CPED1: variants seen among roughly 807,000 people sequenced by gnomAD.
CPED1 encodes the protein cadherin-like and PC-esterase domain-containing protein 1.
In CPED1, 114 loss-of-function variants were observed where a neutral mutation model predicts 128.2. The ratio of observed to expected loss-of-function variants is 0.89; its 90% CI spans 0.76 to 1.04. The LOEUF is 1.04. CPED1 is among the 50% of genes least tolerant of loss of function. The probability of loss-of-function intolerance (pLI) is 0.00; values close to 1 mark genes in which losing one functional copy is unlikely to be tolerated. For synonymous variants in CPED1, 462 were observed against 426.7 expected, an observed-to-expected ratio of 1.08 and a Z score of -1.02; for missense variants, 1,211 against 1,207.1, an observed-to-expected ratio of 1.00 and a Z score of -0.05.
chr7:121,047,848 G>A (rs996532450), intron 4 of CPED1, among the ~76,000 whole-genome samples: 1 of 151,366 alleles, frequency 6.6e-6, no homozygotes, highest in African/African-American at 2.4e-5. Context: ...GGTAGCGGGC[G>A]CCCGTAGTCC....
At chr7:121,222,196 C>T (rs1797894739) in intron 16 of CPED1, among the ~76,000 whole-genome samples, 1 of 152,112 alleles carries the variant, frequency 6.6e-6, no homozygotes, top group South Asian at 2.1e-4. Context: ...TTCCCAGCAC[C>T]ATTTATTAAA....
chr7:121,260,003 C>T (rs79946510), intron 18 of CPED1, among the ~76,000 whole-genome samples: 2,534 of 151,918 alleles, frequency 0.017, 73 homozygotes, highest in African/African-American at 0.056. Flanking sequence ...ATTATGGTTA[C>T]GTAATTCATT....
chr7:121,055,169 C>T (rs1247356035), intron 4 of CPED1, among the ~76,000 whole-genome samples: 2 of 152,240 alleles, frequency 1.3e-5, no homozygotes, highest in East Asian at 3.9e-4. Context: ...TAAACCTTTG[C>T]ATAGAGGTTT....
chr7:121,112,405 TACATCTTC>T (rs1425112202), intron 7 of CPED1, among the ~76,000 whole-genome samples: 1 of 152,096 alleles, frequency 6.6e-6, no homozygotes, highest in African/African-American at 2.4e-5. Flanking sequence ...AAGGAGAAGA[TACATCTTC>T]ACATCTTCAC....
chr7:121,194,759 A>G (rs1051076952), intron 16 of CPED1, among the ~76,000 whole-genome samples: 8 of 151,980 alleles, frequency 5.3e-5, no homozygotes, highest in Non-Finnish European at 1.2e-4. Context: ...TTCTCTCATT[A>G]GTTGTTTGTT....
intron 16 of CPED1, among the ~76,000 whole-genome samples, chr7:121,223,054 C>T (rs1178050374): frequency 1.3e-5 from 2 of 152,154 alleles, no homozygotes; most frequent in African/African-American, 4.8e-5. Flanking sequence ...GGGAATGCTT[C>T]CAGTTTTTGT....
intron 22 of CPED1, among the ~76,000 whole-genome samples, chr7:121,280,328 T>C (rs2116771114): frequency 6.6e-6 from 1 of 152,298 alleles, no homozygotes; most frequent in African/African-American, 2.4e-5. Context: ...GACTGTAAGA[T>C]AGAACCAACA....
intron 14 of CPED1, among the ~76,000 whole-genome samples, chr7:121,140,499 A>G (rs975228901): frequency 3.9e-5 from 6 of 152,056 alleles, no homozygotes; most frequent in Non-Finnish European, 7.4e-5. Flanking sequence ...TATGCAGTAA[A>G]TATCATGAAA....
chr7:121,139,940 G>T (rs1023373733), intron 14 of CPED1, among the ~76,000 whole-genome samples: 1 of 151,682 alleles, frequency 6.6e-6, no homozygotes, highest in Non-Finnish European at 1.5e-5. Flanking sequence ...ATCTTTGTTA[G>T]CATTTTGTTG....
At chr7:121,260,093 CAT>C (rs1483139936) in intron 18 of CPED1, among the ~76,000 whole-genome samples, 2 of 151,704 alleles carry the variant, frequency 1.3e-5, no homozygotes, top group African/African-American at 2.4e-5. Flanking sequence ...ATGACTTACA[CAT>C]GATGCCCTCC....
At chr7:121,293,936 G>A (rs534658073) in intron 22 of CPED1, among the ~76,000 whole-genome samples, 1 of 152,150 alleles carries the variant, frequency 6.6e-6, no homozygotes, top group African/African-American at 2.4e-5. Context: ...GCTGCAGACT[G>A]GAGCTGTTCC....
At chr7:121,155,689 A>T (rs986611016) in intron 16 of CPED1, among the ~76,000 whole-genome samples, 1 of 152,238 alleles carries the variant, frequency 6.6e-6, no homozygotes, top group Non-Finnish European at 1.5e-5. Context: ...CTTATTTCTC[A>T]TATGCAAAAA....
intron 16 of CPED1, among the ~76,000 whole-genome samples, chr7:121,217,519 T>A (rs1253802065): frequency 1.3e-5 from 2 of 152,110 alleles, no homozygotes; most frequent in Non-Finnish European, 2.9e-5. Context: ...TAAAGGCATC[T>A]GTTGGCCATT....
intron 16 of CPED1, among the ~76,000 whole-genome samples, chr7:121,190,996 T>C (rs1217559888): frequency 6.6e-6 from 1 of 152,168 alleles, no homozygotes; most frequent in African/African-American, 2.4e-5. Flanking sequence ...AAAGCCTGTC[T>C]GGCCAGTCTT....
chr7:121,174,362 A>G (rs28903368), intron 16 of CPED1, among the ~76,000 whole-genome samples: 1 of 152,134 alleles, frequency 6.6e-6, no homozygotes, highest in Non-Finnish European at 1.5e-5. Context: ...TGGGTTTTAC[A>G]TTTAAGTCTT....
At chr7:121,185,853 A>G (rs539759982) in intron 16 of CPED1, among the ~76,000 whole-genome samples, 26 of 152,320 alleles carry the variant, frequency 1.7e-4, no homozygotes, top group African/African-American at 5.5e-4. Context: ...TAAACAATCC[A>G]TAAGTCTCAT....
intron 16 of CPED1, among the ~76,000 whole-genome samples, chr7:121,191,659 T>C (rs1184158131): frequency 6.6e-6 from 1 of 152,128 alleles, no homozygotes; most frequent in Non-Finnish European, 1.5e-5. Flanking sequence ...CATGCCTCTG[T>C]GGTTCTTTTT....
intron 16 of CPED1, among the ~76,000 whole-genome samples, chr7:121,203,580 G>T: frequency 1.3e-5 from 2 of 152,126 alleles, no homozygotes; most frequent in Middle Eastern, 6.8e-3. Context: ...TAGTTAGGAT[G>T]CCAATTGCTC....
At chr7:121,277,589 C>G (rs1030323171) in intron 22 of CPED1, among the ~76,000 whole-genome samples, 12 of 152,066 alleles carry the variant, frequency 7.9e-5, no homozygotes, top group Admixed American at 3.9e-4. Context: ...TCTTTCCCAT[C>G]TTAATCCACT....
Sources: allele counts gnomAD v4.1 joint callset (sites outside exome capture counted in the v4.1 genomes callset), GRCh38; gene constraint gnomAD v4.1.1; transcripts MANE v1.5; gene names NCBI Gene and HGNC (gene_info 2026-07-23, HGNC 2026-07-21).